The following PTGES3 variants were observed in gnomAD, a reference collection of about 807,000 sequenced individuals.
PTGES3 encodes the protein Hsp90 co-chaperone.
In PTGES3, 5 loss-of-function variants were observed where a neutral mutation model predicts 29.9. The ratio of observed to expected loss-of-function variants is 0.17; its 90% confidence interval spans 0.09 to 0.35. The LOEUF (loss-of-function observed/expected upper bound fraction) is 0.35, where lower values mean the gene tolerates loss of function less well. Among genes scored for constraint, PTGES3 ranks in the 10% least tolerant of loss-of-function variants. The pLI, the probability that PTGES3 is intolerant of heterozygous loss-of-function variation, is 1.00. For missense variants in PTGES3, 128 were observed against 190.0 expected, an observed-to-expected ratio of 0.67 and a Z score of 1.92; for synonymous variants, 49 against 57.8, an observed-to-expected ratio of 0.85 and a Z score of 0.69.
rs1215719451 is a variant in PTGES3 at position 56,688,084 on chromosome 12, G to C, written c.-85C>G. ...GCTAGGGAGTCGACTTCTCTCCGGT[G>C]GCGACTCCGCTTTTTCTCTCCGGTC... On this transcript the variant is annotated 5_prime_UTR_variant, in exon 1 of 8. Transcript: ENST00000262033. 5 of 1,443,936 alleles carry C rather than the reference G, an allele frequency of 3.5e-6. No homozygotes were observed. The highest frequency in any genetic ancestry group is 2.7e-5 in the Admixed American group (1 of 37,164). The allele number at this position is 1,443,936 out of a possible 1,614,324, so 89.4% of individuals were successfully genotyped here.
intron 6 of PTGES3, 172 bp downstream of exon 6, chr12:56,666,032 T>G: frequency 7.2e-7 from 1 of 1,383,294 alleles, no homozygotes. Context: ...AGTTCCCTAA[T>G]AGATACCCCC....
chr12:56,666,156 C>T, intron 6 of PTGES3, 48 bp downstream of exon 6: 1 of 1,531,712 alleles, frequency 6.5e-7, no homozygotes, highest in Non-Finnish European at 8.8e-7. Context: ...TTGTTTCTTA[C>T]TATTTAATAG....
intron 6 of PTGES3, 60 bp from the exon 7 acceptor site, chr12:56,664,860 T>C: frequency 6.3e-7 from 1 of 1,578,328 alleles, no homozygotes; most frequent in Non-Finnish European, 8.6e-7. Context: ...AACTGAACAG[T>C]TTACCTAAAA....
chr12:56,674,617 G>A (rs749662099), intron 1 of PTGES3, among the ~76,000 whole-genome samples: 15 of 151,824 alleles, frequency 9.9e-5, no homozygotes, highest in Non-Finnish European at 2.1e-4. Flanking sequence ...ACAATGTCAG[G>A]AGATTGAGAC....
intron 1 of PTGES3, among the ~76,000 whole-genome samples, chr12:56,675,525 A>ACC (rs1304366891): frequency 2.7e-5 from 4 of 148,766 alleles, no homozygotes; most frequent in African/African-American, 1.0e-4. Flanking sequence ...TGAGACCAAA[A>ACC]AAAAAAAAAA....
Position 56,674,549 on chromosome 12 carries a change from G to C in PTGES3, c.3-1484C>G, listed in dbSNP as rs141846082. 7.5e-3 allele frequency among the ~76,000 whole-genome samples: 1,126 copies of C among 151,028 alleles called. 8 individuals are homozygous for C. Among genetic ancestry groups the C allele is most frequent in the Non-Finnish European group, 0.011 (748 of 67,724 alleles). On this transcript the variant is annotated intron_variant, in intron 1 of 7. Transcript: ENST00000262033. ...TGCTAAAATTACAAAAAATTCAGGC[G>C]GGCACAGTGGCTCACGCCCATAATC...
chr12:56,683,134 G>T (rs986450821), intron 1 of PTGES3, among the ~76,000 whole-genome samples: 3 of 151,886 alleles, frequency 2.0e-5, no homozygotes, highest in Non-Finnish European at 4.4e-5. Context: ...TGGATCATGA[G>T]GTCAGGAGTT....
At chr12:56,665,852 A>C (rs1951764813) in intron 6 of PTGES3, 1 of 850,770 alleles carries the variant, frequency 1.2e-6, no homozygotes, top group Non-Finnish European at 1.4e-6. Context: ...CTGGTCTCGA[A>C]CTCCTGACCT....
At chr12:56,679,469 G>C (rs1361180444) in intron 1 of PTGES3, among the ~76,000 whole-genome samples, 1 of 147,256 alleles carries the variant, frequency 6.8e-6, no homozygotes, top group Non-Finnish European at 1.5e-5. Context: ...TTGTTGTTTT[G>C]CTTTAAGTAG....
intron 1 of PTGES3, among the ~76,000 whole-genome samples, chr12:56,679,926 T>C (rs1565873441): frequency 6.6e-6 from 1 of 151,954 alleles, no homozygotes; most frequent in Non-Finnish European, 1.5e-5. Context: ...CCACCTGCCT[T>C]GGCTTCCCAA....
chr12:56,683,327 G>C (rs1952642894), intron 1 of PTGES3, among the ~76,000 whole-genome samples: 1 of 151,586 alleles, frequency 6.6e-6, no homozygotes, highest in Non-Finnish European at 1.5e-5. Flanking sequence ...CTACTAATTA[G>C]CCGGGCATGG....
At chr12:56,687,829 T>C in intron 1 of PTGES3, 169 bp downstream of exon 1, 6 of 1,458,102 alleles carry the variant, frequency 4.1e-6, no homozygotes, top group Non-Finnish European at 5.4e-6. Flanking sequence ...AGGAAAAATG[T>C]CCTCCACCCG....
chr12:56,681,199 G>C (rs532791318), intron 1 of PTGES3, among the ~76,000 whole-genome samples: 83 of 152,066 alleles, frequency 5.5e-4, no homozygotes, highest in Non-Finnish European at 1.0e-3. Context: ...ATCCTATTTC[G>C]GACAGCCCCT....
chr12:56,688,265 T>G lies in PTGES3; in HGVS notation c.-266A>C. ...AGGACGGAGAATGAACGTGCGTGCG[T>G]GCAAACGAGGGGTGGTGAGGCCGGG... On this transcript the variant is annotated 5_prime_UTR_variant, in exon 1 of 8. Transcript: ENST00000262033. 2 of 540,918 alleles carry G rather than the reference T, an allele frequency of 3.7e-6. No individual in the cohort carries two copies. Among genetic ancestry groups the G allele is most frequent in the Non-Finnish European group, 5.9e-6 (2 of 337,494 alleles). The allele number at this position is 540,918 out of a possible 1,614,324, so 33.5% of individuals were successfully genotyped here.
At chr12:56,670,484 G>A (rs1205282674) in intron 4 of PTGES3, 120 bp from the exon 5 acceptor site, 4 of 699,784 alleles carry the variant, frequency 5.7e-6, no homozygotes, top group Admixed American at 2.3e-5. Context: ...CCAGGCTGGA[G>A]TGCAGCAAGC....
intron 4 of PTGES3, among the ~76,000 whole-genome samples, chr12:56,670,916 A>G (rs1266888646): frequency 6.6e-6 from 1 of 152,168 alleles, no homozygotes; most frequent in African/African-American, 2.4e-5. Context: ...AGACAGCCTG[A>G]GCAATAGTGG....
At chr12:56,681,537 CAA>C (rs34581651) in intron 1 of PTGES3, among the ~76,000 whole-genome samples, 6 of 25,690 alleles carry the variant, frequency 2.3e-4, no homozygotes, top group Admixed American at 6.1e-4. Flanking sequence ...GACTCCATCT[CAA>C]AAAAAAAAAA....
chr12:56,681,783 G>C (rs375297095), intron 1 of PTGES3, among the ~76,000 whole-genome samples: 28 of 151,360 alleles, frequency 1.8e-4, no homozygotes, highest in African/African-American at 6.5e-4. Context: ...TGAACACCCA[G>C]GAGGCAGAGC....
intron 1 of PTGES3, chr12:56,686,911 A>C (rs1952889972): frequency 5.2e-6 from 2 of 387,570 alleles, no homozygotes; most frequent in Non-Finnish European, 9.1e-6. Flanking sequence ...TCTCTTCTGA[A>C]TGGAGTCTAA....
Sources: allele counts gnomAD v4.1 joint callset (sites outside exome capture counted in the v4.1 genomes callset), GRCh38; gene constraint gnomAD v4.1.1; transcripts MANE v1.5; gene names NCBI Gene and HGNC (gene_info 2026-07-23, HGNC 2026-07-21).